Variants in DLC1 observed in about 807,000 individuals in gnomAD.
The protein encoded by DLC1 is rho GTPase-activating protein 7.
In DLC1, 54 loss-of-function variants were observed where a neutral mutation model predicts 140.3. The ratio of observed to expected loss-of-function variants is 0.38; its 90% confidence interval spans 0.31 to 0.48. The LOEUF is 0.48. Ranked by LOEUF, DLC1 falls within the 20% of genes least tolerant of loss-of-function variation. DLC1 has a pLI of 0.96. For synonymous variants in DLC1, 986 were observed against 728.1 expected (o/e 1.35, Z -5.70); for missense variants, 2,536 against 1,907.0 (o/e 1.33, Z -6.14).
intron 4 of DLC1, among the ~76,000 whole-genome samples, chr8:13,319,204 C>A (rs562860637): frequency 6.6e-6 from 1 of 152,214 alleles, no homozygotes; most frequent in Non-Finnish European, 1.5e-5. Context: ...AAAAAATACT[C>A]AGAAAAGTGA....
At chr8:13,367,021 T>C (rs893530565) in intron 4 of DLC1, among the ~76,000 whole-genome samples, 18 of 152,180 alleles carry the variant, frequency 1.2e-4, no homozygotes, top group Non-Finnish European at 2.5e-4. Context: ...CTTTGCCTCC[T>C]TTCCCTTTCC....
chr8:13,144,197 A>G (rs562976829), intron 5 of DLC1, among the ~76,000 whole-genome samples: 1 of 152,274 alleles, frequency 6.6e-6, no homozygotes, highest in South Asian at 2.1e-4. Context: ...GACAGAGGAA[A>G]GCAAATTTGT....
chr8:13,150,754 G>T (rs759538160), intron 5 of DLC1, among the ~76,000 whole-genome samples: 1 of 152,192 alleles, frequency 6.6e-6, no homozygotes, highest in Non-Finnish European at 1.5e-5. Flanking sequence ...CTCAGATAAA[G>T]GCTTCAAGCA....
At chr8:13,443,038 G>A (rs1482515409) in intron 2 of DLC1, among the ~76,000 whole-genome samples, 1 of 152,110 alleles carries the variant, frequency 6.6e-6, no homozygotes, top group East Asian at 1.9e-4. Context: ...AAAAGGATGA[G>A]TTCATGTCCT....
At position 13,510,759 on chromosome 8, in the gene DLC1, C is replaced by T. The variant is rs114922049; in HGVS notation, c.-126+3843G>A. Among the ~76,000 whole-genome samples, 925 of 152,208 alleles carry T rather than the reference C, an allele frequency of 6.1e-3. 14 individuals are homozygous for T. The highest frequency in any genetic ancestry group is 0.022 in the African/African-American group (895 of 41,528). On this transcript the variant is annotated intron_variant, in intron 1 of 17. Transcript: ENST00000276297. ...CCTCATGTAACTTTTAATTTCAAACCATTTCTGGATGCCTATGCTTCCTTC... is the reference window on the plus strand; with the variant it reads ...CCTCATGTAACTTTTAATTTCAAACTATTTCTGGATGCCTATGCTTCCTTC...
chr8:13,560,064 A>G (rs543886002), intron 1 of DLC1, among the ~76,000 whole-genome samples: 16 of 152,342 alleles, frequency 1.1e-4, no homozygotes, highest in African/African-American at 3.8e-4. Context: ...AGCAAAAGAG[A>G]TGGTACAATT....
At position 13,312,188 on chromosome 8, in the gene DLC1, C is replaced by T. The variant is rs1006223391; in HGVS notation, c.1315-6886G>A. 2.1e-5 allele frequency among the ~76,000 whole-genome samples: 3 copies of T among 139,930 alleles called. 1 individual carries two copies. Among genetic ancestry groups the T allele is most frequent in the Non-Finnish European group, 3.1e-5 (2 of 64,626 alleles). 91.8% of individuals were successfully genotyped at this position (139,930 alleles called of 152,430 possible). A position where few individuals can be genotyped will look rare whatever the true frequency, so the allele number is the denominator to read the frequency against. ...CATCCTGGCTAACACGGTGAAACCC[C>T]GTCTCTACTAAAAATACAAAAAATT... On this transcript the variant is annotated intron_variant, in intron 4 of 17. Coordinates refer to ENST00000276297, the MANE Select transcript of DLC1 (RefSeq NM_182643.3).
intron 5 of DLC1, among the ~76,000 whole-genome samples, chr8:13,197,232 T>C (rs551707954): frequency 3.3e-5 from 5 of 152,244 alleles, no homozygotes; most frequent in Admixed American, 6.5e-5. Context: ...ACTTATTTGC[T>C]CTTGGCTAGA....
chr8:13,352,499 G>C (rs1024964685), intron 4 of DLC1, among the ~76,000 whole-genome samples: 1 of 151,780 alleles, frequency 6.6e-6, no homozygotes, highest in Non-Finnish European at 1.5e-5. Flanking sequence ...CTCCCACCTC[G>C]GCCTCGCAAG....
At chr8:13,154,151 C>A (rs532721848) in intron 5 of DLC1, among the ~76,000 whole-genome samples, 25 of 152,346 alleles carry the variant, frequency 1.6e-4, no homozygotes, top group African/African-American at 6.0e-4. Flanking sequence ...AAGTCCCCAG[C>A]AGACCCAGAA....
chr8:13,151,478 A>G (rs1315811787), intron 5 of DLC1, among the ~76,000 whole-genome samples: 5 of 152,224 alleles, frequency 3.3e-5, no homozygotes, highest in Non-Finnish European at 7.4e-5. Flanking sequence ...TTCAGGCTCT[A>G]AAGCCTCTGT....
intron 5 of DLC1, among the ~76,000 whole-genome samples, chr8:13,291,526 A>C (rs145068320): frequency 1.3e-5 from 2 of 152,196 alleles, no homozygotes; most frequent in African/African-American, 4.8e-5. Context: ...AACCCTGTCC[A>C]CTTAAAGTAT....
intron 2 of DLC1, among the ~76,000 whole-genome samples, chr8:13,493,676 C>T (rs71522347): frequency 3.9e-5 from 6 of 152,178 alleles, no homozygotes; most frequent in African/African-American, 7.2e-5. Context: ...TACCTCTTTA[C>T]ATTGTAAACT....
intron 5 of DLC1, among the ~76,000 whole-genome samples, chr8:13,238,564 G>T (rs1693329354): frequency 8.5e-6 from 1 of 117,930 alleles, no homozygotes; most frequent in South Asian, 3.0e-4. Context: ...CCTTTGCCCT[G>T]TGGGTGTGTG....
intron 5 of DLC1, among the ~76,000 whole-genome samples, chr8:13,161,359 A>G (rs1052649207): frequency 6.6e-6 from 1 of 151,878 alleles, no homozygotes; most frequent in African/African-American, 2.4e-5. Flanking sequence ...TTTGTTTGAG[A>G]CAGAATTTCA....
At chr8:13,478,775 C>G (rs577538766) in intron 2 of DLC1, among the ~76,000 whole-genome samples, 5 of 152,286 alleles carry the variant, frequency 3.3e-5, no homozygotes, top group South Asian at 4.1e-4. Context: ...CTCTGGCTTT[C>G]TTTGTTTTCT....
chr8:13,286,324 G>A (rs952148940), intron 5 of DLC1, among the ~76,000 whole-genome samples: 2 of 152,066 alleles, frequency 1.3e-5, no homozygotes, highest in African/African-American at 4.8e-5. Flanking sequence ...ATGATCACTG[G>A]CTTGGAGAAT....
At chr8:13,509,163 G>C (rs1276747551) in intron 1 of DLC1, among the ~76,000 whole-genome samples, 2 of 152,194 alleles carry the variant, frequency 1.3e-5, no homozygotes, top group South Asian at 4.1e-4. Flanking sequence ...ATGCGGTTTT[G>C]CTTTAAGTGG....
intron 5 of DLC1, among the ~76,000 whole-genome samples, chr8:13,254,181 ATT>A (rs1830119980): frequency 6.7e-6 from 1 of 148,318 alleles, no homozygotes; most frequent in East Asian, 2.0e-4. Flanking sequence ...CCTAAATAAA[ATT>A]AAAAAAAAAA....
Sources: gnomAD v4.1 joint callset for allele counts (sites outside exome capture counted in the v4.1 genomes callset) on GRCh38, gnomAD v4.1.1 for gene constraint, MANE v1.5 for transcripts, NCBI Gene and HGNC (gene_info 2026-07-23, HGNC 2026-07-21) for gene names.